Variants in DNAJC3 observed in about 807,000 individuals in gnomAD.
DNAJC3 encodes the protein dnaJ homolog subfamily C member 3.
A neutral mutation model predicts 68.6 loss-of-function variants in DNAJC3; 38 were observed. The observed-to-expected ratio is 0.55, with a 90% CI of 0.43 to 0.73. The LOEUF is 0.73. Among genes scored for constraint, DNAJC3 ranks in the 30% least tolerant of loss-of-function variants. The pLI is 0.00. For synonymous variants in DNAJC3, 203 were observed against 204.0 expected, an observed-to-expected ratio of 1.00 and a Z score of 0.04; for missense variants, 526 against 591.9, an observed-to-expected ratio of 0.89 and a Z score of 1.16.
chr13:95,694,000 A>C (rs977165363), intron 1 of DNAJC3: 1 of 152,184 alleles, frequency 6.6e-6, no homozygotes, highest in African/African-American at 2.4e-5. Context: ...AAGTAATTTC[A>C]ATTACAACAT....
chr13:95,740,280 C>T lies in DNAJC3; in HGVS notation c.393+15028C>T, dbSNP rs566830033. On this transcript the variant is annotated intron_variant, in intron 4 of 11. Transcript: ENST00000602402. ...TGTCTTTTTGTTTGTCTGTGCCCTG[C>T]TCCCAGAGGTGGAGCCTACAGAGGC... Among the ~76,000 whole-genome samples, 5 of 152,352 alleles carry T rather than the reference C, an allele frequency of 3.3e-5. No individual in the cohort carries two copies. In the South Asian group the frequency reaches 1.0e-3, roughly 32 times the overall value.
chr13:95,727,425 C>T (rs551680671), intron 4 of DNAJC3, among the ~76,000 whole-genome samples: 2 of 152,272 alleles, frequency 1.3e-5, no homozygotes, highest in East Asian at 1.9e-4. Context: ...TGCTCTTTGG[C>T]AGTCATACTT....
intron 1 of DNAJC3, among the ~76,000 whole-genome samples, chr13:95,705,520 CTT>C (rs1174965850): frequency 2.1e-5 from 3 of 142,066 alleles, no homozygotes; most frequent in African/African-American, 5.3e-5. Context: ...CTCTCTCTCT[CTT>C]TTTTTTTTTT....
chr13:95,790,872 G>T lies in DNAJC3; in HGVS notation c.1358-1G>T. 6.2e-7 allele frequency: 1 copy of T among 1,605,808 alleles called. No individual in the cohort carries two copies. Among genetic ancestry groups the T allele is most frequent in the Non-Finnish European group, 8.5e-7 (1 of 1,177,374 alleles). ...TTCTTAATTTTCTGATTTCTTTCTAGAAATGAGAAAGAAGTTTGACGACGG... is the reference window on the plus strand; with the variant it reads ...TTCTTAATTTTCTGATTTCTTTCTATAAATGAGAAAGAAGTTTGACGACGG... On this transcript the variant is annotated splice_acceptor_variant, in intron 11 of 11. Coordinates refer to ENST00000602402, the MANE Select transcript of DNAJC3 (RefSeq NM_006260.5). LOFTEE classifies it high-confidence loss of function.
At chr13:95,686,120 C>T (rs1880068798) in intron 1 of DNAJC3, among the ~76,000 whole-genome samples, 1 of 152,092 alleles carries the variant, frequency 6.6e-6, no homozygotes. Flanking sequence ...TGCCACCATG[C>T]CCGGCTAATT....
intron 2 of DNAJC3, among the ~76,000 whole-genome samples, chr13:95,713,604 C>G (rs545040934): frequency 4.3e-4 from 66 of 152,278 alleles, no homozygotes; most frequent in African/African-American, 1.6e-3. Context: ...AATTCTAGCA[C>G]TTTATTTCAT....
intron 1 of DNAJC3, among the ~76,000 whole-genome samples, chr13:95,691,930 C>T (rs1880279777): frequency 6.6e-6 from 1 of 152,222 alleles, no homozygotes; most frequent in Non-Finnish European, 1.5e-5. Context: ...CGGCGCGCGC[C>T]TGCAATCGCA....
chr13:95,729,649 C>T (rs1023564876), intron 4 of DNAJC3, among the ~76,000 whole-genome samples: 2 of 152,094 alleles, frequency 1.3e-5, no homozygotes, highest in African/African-American at 4.8e-5. Flanking sequence ...GTTCCCTTTT[C>T]TCTGCATTCT....
At chr13:95,705,054 G>A (rs1035665545) in intron 1 of DNAJC3, among the ~76,000 whole-genome samples, 10 of 152,016 alleles carry the variant, frequency 6.6e-5, no homozygotes, top group Admixed American at 2.0e-4. Flanking sequence ...GTTTTGCCAC[G>A]TTGGCCAGGC....
At chr13:95,709,484 A>T (rs1009112107) in intron 2 of DNAJC3, 147 bp downstream of exon 2, 1 of 596,364 alleles carries the variant, frequency 1.7e-6, no homozygotes, top group Non-Finnish European at 2.8e-6. Flanking sequence ...AGCGAAATAG[A>T]TGGATAAAAT....
At chr13:95,789,874 T>A (rs1244513387) in intron 11 of DNAJC3, among the ~76,000 whole-genome samples, 1 of 152,252 alleles carries the variant, frequency 6.6e-6, no homozygotes, top group African/African-American at 2.4e-5. Context: ...TTTGCTCTAG[T>A]GATCAGTGAT....
intron 9 of DNAJC3, among the ~76,000 whole-genome samples, chr13:95,781,050 G>A (rs1353052593): frequency 6.6e-6 from 1 of 152,010 alleles, no homozygotes; most frequent in Non-Finnish European, 1.5e-5. Context: ...ACTGGAGAAC[G>A]TCCCCAGTGG....
At chr13:95,681,940 A>G (rs1043012444) in intron 1 of DNAJC3, among the ~76,000 whole-genome samples, 2 of 152,214 alleles carry the variant, frequency 1.3e-5, no homozygotes, top group Non-Finnish European at 2.9e-5. Flanking sequence ...ACTTTTTCTC[A>G]TATTGAAATA....
intron 4 of DNAJC3, among the ~76,000 whole-genome samples, chr13:95,755,848 GGCTTCTAAGGAAGC>G (rs1285665239): frequency 6.7e-6 from 1 of 148,454 alleles, no homozygotes; most frequent in African/African-American, 2.5e-5. Context: ...GAAACTCTCA[GGCTTCTAAGGAAGC>G]CCCTCGTTTC....
intron 9 of DNAJC3, among the ~76,000 whole-genome samples, chr13:95,765,509 C>A (rs1335872631): frequency 6.7e-6 from 1 of 149,952 alleles, no homozygotes; most frequent in East Asian, 1.9e-4. Flanking sequence ...TTGGGGAAAC[C>A]TGATGGCTTA....
chr13:95,704,868 T>C (rs1480874092), intron 1 of DNAJC3, among the ~76,000 whole-genome samples: 1 of 147,812 alleles, frequency 6.8e-6, no homozygotes, highest in Non-Finnish European at 1.5e-5. Context: ...TTTTTTTTTT[T>C]TGAGACAGAG....
At position 95,742,580 on chromosome 13, in the gene DNAJC3, GCTCTTATCC is replaced by G. The variant is rs1009248698; in HGVS notation, c.394-15062_394-15054del. 1.5e-4 allele frequency: 71 copies of G among 463,588 alleles called. 2 individuals are homozygous for G. Among genetic ancestry groups the G allele is most frequent in the Admixed American group, 1.4e-3 (60 of 42,064 alleles). 28.7% of individuals were successfully genotyped at this position (463,588 alleles called of 1,614,324 possible). On this transcript the variant is annotated intron_variant, in intron 4 of 11. Coordinates refer to ENST00000602402, the MANE Select transcript of DNAJC3 (RefSeq NM_006260.5). ...TTCCCCACATTCAGAGCCTCTTTGG[GCTCTTATCC>G]CAGCCAAGCAGGCTGCCTCACTTCT...
At chr13:95,717,009 A>G (rs1275150338) in intron 2 of DNAJC3, among the ~76,000 whole-genome samples, 11 of 151,958 alleles carry the variant, frequency 7.2e-5, no homozygotes, top group South Asian at 4.1e-4. Context: ...CAATAGGATT[A>G]TGCAGTAGGT....
At position 95,787,111 on chromosome 13, in the gene DNAJC3, A is replaced by G; in HGVS notation, c.1313A>G (p.Lys438Arg). Residue 438 changes from lysine (K) to arginine (R), a missense_variant, in exon 11 of 12, where the codon AAG (lysine) becomes AGG (arginine). Lys to Arg is a conservative substitution (Grantham distance 26, BLOSUM62 2). Coordinates refer to ENST00000602402, the MANE Select transcript of DNAJC3 (RefSeq NM_006260.5). ...GAAGAAAAGAAAAAAGCTGAGAAAA[A>G]GTTCATTGATATAGCAGCTGCTAAA... ...NEEEKKKAEK[K>R]FIDIAAAKEV... The G allele has an allele frequency of 6.2e-7, 1 of 1,614,000 alleles. No individual in the cohort carries two copies. Among genetic ancestry groups the G allele is most frequent in the Non-Finnish European group, 8.5e-7 (1 of 1,179,954 alleles).
Sources: gnomAD v4.1 joint callset for allele counts (sites outside exome capture counted in the v4.1 genomes callset) on GRCh38, gnomAD v4.1.1 for gene constraint, MANE v1.5 for transcripts, NCBI Gene and HGNC (gene_info 2026-07-23, HGNC 2026-07-21) for gene names.